TENM3: variants seen among roughly 807,000 people sequenced by gnomAD.
TENM3 encodes the protein teneurin-3.
A neutral mutation model predicts 255.1 loss-of-function variants in TENM3; 63 were observed. The observed-to-expected ratio is 0.25, with a 90% CI of 0.20 to 0.30. The LOEUF (loss-of-function observed/expected upper bound fraction) is 0.30, where lower values mean the gene tolerates loss of function less well. TENM3 is among the 10% of genes least tolerant of loss of function. The pLI, the probability that TENM3 is intolerant of heterozygous loss-of-function variation, is 1.00. For synonymous variants in TENM3, 1,306 were observed against 1,322.3 expected (o/e 0.99, Z 0.27); for missense variants, 2,929 against 3,461.1 (o/e 0.85, Z 3.86).
chr4:181,540,918 A>T, the TENM3 span, among the ~76,000 whole-genome samples: 34,431 of 151,558 alleles, frequency 0.23, 4,041 homozygotes, highest in South Asian at 0.33. Context: ...GCTCATTAAT[A>T]GTAATGAAAT....
At chr4:181,867,770 A>G in the TENM3 span, among the ~76,000 whole-genome samples, 1 of 152,136 alleles carries the variant, frequency 6.6e-6, no homozygotes, top group South Asian at 2.1e-4. Context: ...CATAACCAAT[A>G]CCCCTGCTTG....
chr4:181,736,493 T>C, the TENM3 span, among the ~76,000 whole-genome samples: 11 of 151,858 alleles, frequency 7.2e-5, no homozygotes, highest in Non-Finnish European at 1.2e-4. Flanking sequence ...ATAGAAAACA[T>C]GGCAAATTAA....
the TENM3 span, among the ~76,000 whole-genome samples, chr4:181,994,832 T>C: frequency 2.0e-5 from 3 of 152,222 alleles, no homozygotes; most frequent in Admixed American, 2.0e-4. Flanking sequence ...TAAATTAGAA[T>C]GTAATTGTCC....
chr4:182,553,386 G>GGGGGGA (rs1255850560), intron 3 of TENM3, among the ~76,000 whole-genome samples: 2 of 127,732 alleles, frequency 1.6e-5, no homozygotes, highest in Non-Finnish European at 3.2e-5. Flanking sequence ...GTCGTGGGGT[G>GGGGGGA]GGGGGAGGGG....
the TENM3 span, among the ~76,000 whole-genome samples, chr4:182,034,914 G>A: frequency 6.6e-6 from 1 of 152,116 alleles, no homozygotes; most frequent in Non-Finnish European, 1.5e-5. Flanking sequence ...GATTTCCTGA[G>A]TTCAATGTTG....
chr4:181,613,769 G>T, the TENM3 span, among the ~76,000 whole-genome samples: 1 of 152,148 alleles, frequency 6.6e-6, no homozygotes, highest in South Asian at 2.1e-4. Flanking sequence ...CCTTTCAGGA[G>T]GTCCATAAGA....
chr4:181,604,197 G>A, the TENM3 span, among the ~76,000 whole-genome samples: 150 of 152,194 alleles, frequency 9.9e-4, no homozygotes, highest in African/African-American at 2.6e-3. Context: ...CCCGGGAGGC[G>A]GAGCTTGCAG....
intron 5 of TENM3, 67 bp downstream of exon 5, chr4:182,628,956 T>G: frequency 1.1e-6 from 1 of 932,982 alleles, no homozygotes; most frequent in South Asian, 1.6e-5. Flanking sequence ...ATTACTTGTA[T>G]TTATTCATTT....
At chr4:182,677,225 C>CCTAGAACT (rs1216550412) in intron 7 of TENM3, among the ~76,000 whole-genome samples, 1 of 152,120 alleles carries the variant, frequency 6.6e-6, no homozygotes, top group Non-Finnish European at 1.5e-5. Context: ...TGCAGATGAG[C>CCTAGAACT]CTAGAACTGG....
the TENM3 span, among the ~76,000 whole-genome samples, chr4:181,610,901 G>A: frequency 3.9e-5 from 6 of 152,148 alleles, no homozygotes; most frequent in African/African-American, 1.4e-4. Context: ...GTTCCTAACA[G>A]ATTGTTTAGT....
At chr4:181,546,308 G>C in the TENM3 span, among the ~76,000 whole-genome samples, 1 of 152,060 alleles carries the variant, frequency 6.6e-6, no homozygotes, top group South Asian at 2.1e-4. Context: ...TGAGAAACTC[G>C]TGCTCACAGT....
intron 12 of TENM3, among the ~76,000 whole-genome samples, chr4:182,689,511 G>C (rs941374995): frequency 1.2e-4 from 19 of 152,130 alleles, no homozygotes; most frequent in Admixed American, 1.2e-3. Context: ...CCCCACGCTG[G>C]TGATCTTCAA....
intron 5 of TENM3, among the ~76,000 whole-genome samples, chr4:182,650,889 A>AAAATATATATATAT (rs1281790163): frequency 4.0e-4 from 12 of 29,718 alleles, no homozygotes; most frequent in South Asian, 2.7e-3. Flanking sequence ...AATAAAAAAA[A>AAAATATATATATAT]ATATATATAT....
In TENM3 at chr4:182,638,582, A is replaced by G. The variant is rs184582260; in HGVS notation, c.988+9693A>G. ...GCTAGATCCACCTCTGTATAATACT[A>G]AGATATTTTCTGAGAAAAGATTTCA... On this transcript the variant is annotated intron_variant, in intron 5 of 27. Coordinates refer to ENST00000511685, the MANE Select transcript of TENM3 (RefSeq NM_001080477.4). Among the ~76,000 whole-genome samples the G allele has an allele frequency of 5.8e-4, 88 of 152,298 alleles. 1 individual carries two copies. Among genetic ancestry groups the G allele is most frequent in the Middle Eastern group, 3.4e-3 (1 of 292 alleles).
At chr4:181,670,177 T>C in the TENM3 span, among the ~76,000 whole-genome samples, 1 of 152,200 alleles carries the variant, frequency 6.6e-6, no homozygotes, top group Non-Finnish European at 1.5e-5. Flanking sequence ...TTGGAATGAA[T>C]ACCATTTCAT....
At chr4:182,098,587 T>C in the TENM3 span, among the ~76,000 whole-genome samples, 1 of 152,228 alleles carries the variant, frequency 6.6e-6, no homozygotes, top group Admixed American at 6.5e-5. Flanking sequence ...GAAAGACAAA[T>C]GTCACATGTT....
the TENM3 span, among the ~76,000 whole-genome samples, chr4:181,745,217 G>A: frequency 2.6e-4 from 39 of 152,054 alleles, no homozygotes; most frequent in African/African-American, 5.3e-4. Context: ...GTAAAATCCC[G>A]TCATTATGTC....
the TENM3 span, among the ~76,000 whole-genome samples, chr4:182,096,237 G>C: frequency 8.3e-4 from 126 of 152,112 alleles, 1 homozygote; most frequent in African/African-American, 2.9e-3. Flanking sequence ...AGTGAGTGAA[G>C]AAGGCCCCAC....
At chr4:181,752,158 G>A in the TENM3 span, among the ~76,000 whole-genome samples, 2 of 152,106 alleles carry the variant, frequency 1.3e-5, no homozygotes, top group African/African-American at 4.8e-5. Context: ...GCCCAACTAC[G>A]GTTCTCTCCA....
Sources: allele counts gnomAD v4.1 joint callset (sites outside exome capture counted in the v4.1 genomes callset), GRCh38; gene constraint gnomAD v4.1.1; transcripts MANE v1.5; gene names NCBI Gene and HGNC (gene_info 2026-07-23, HGNC 2026-07-21).